Variants in PTPRG observed in about 807,000 individuals in gnomAD.
PTPRG encodes receptor-type tyrosine-protein phosphatase gamma.
A neutral mutation model predicts 165.3 loss-of-function variants in PTPRG; 102 were observed. That is an observed-to-expected ratio of 0.62 (90% CI 0.53 to 0.73). PTPRG has a LOEUF of 0.73. Among genes scored for constraint, PTPRG ranks in the 30% least tolerant of loss-of-function variants. The probability of loss-of-function intolerance (pLI) is 0.00; values close to 1 mark genes in which losing one functional copy is unlikely to be tolerated. For synonymous variants in PTPRG, 675 were observed against 669.5 expected, an observed-to-expected ratio of 1.01 and a Z score of -0.13; for missense variants, 1,866 against 1,861.4, an observed-to-expected ratio of 1.00 and a Z score of -0.05.
chr3:62,051,564 C>G (rs2189696), intron 4 of PTPRG, among the ~76,000 whole-genome samples: 18 of 152,082 alleles, frequency 1.2e-4, no homozygotes, highest in Admixed American at 2.6e-4. Context: ...ATTCCAGGGC[C>G]CCCCTTGAGA....
rs35072699 is a variant in PTPRG at position 62,012,499 on chromosome 3, A to G, written c.519+9002A>G. On this transcript the variant is annotated intron_variant, in intron 4 of 29. Transcript: ENST00000474889. Reference sequence around the variant, plus strand: ...TTTTTTTATTTGGGAACATTTACTTATATATAATGAGGTTTCTTGGGGATA... The same window carrying G: ...TTTTTTTATTTGGGAACATTTACTTGTATATAATGAGGTTTCTTGGGGATA... Among the ~76,000 whole-genome samples the G allele has an allele frequency of 5.6e-3, 853 of 152,224 alleles. 3 individuals carry two copies. The highest frequency in any genetic ancestry group is 9.5e-3 in the Non-Finnish European group (644 of 68,018).
chr3:61,857,271 A>T (rs2037135754), intron 2 of PTPRG, among the ~76,000 whole-genome samples: 1 of 152,078 alleles, frequency 6.6e-6, no homozygotes, highest in African/African-American at 2.4e-5. Flanking sequence ...GTTCATACAG[A>T]CCTCCAGTGG....
intron 1 of PTPRG, among the ~76,000 whole-genome samples, chr3:61,574,317 A>G (rs1232701157): frequency 6.6e-6 from 1 of 152,324 alleles, no homozygotes; most frequent in Non-Finnish European, 1.5e-5. Flanking sequence ...GACAAGTACT[A>G]GTTGGTCACC....
At chr3:61,883,851 A>G (rs1354468451) in intron 2 of PTPRG, among the ~76,000 whole-genome samples, 2 of 152,120 alleles carry the variant, frequency 1.3e-5, no homozygotes, top group African/African-American at 2.4e-5. Flanking sequence ...AGTTGAGACT[A>G]TAGGCATGTA....
intron 5 of PTPRG, among the ~76,000 whole-genome samples, chr3:62,084,077 T>C (rs2106773882): frequency 6.6e-6 from 1 of 152,346 alleles, no homozygotes; most frequent in Middle Eastern, 3.4e-3. Flanking sequence ...GCATCTACAT[T>C]AAGAAACGTT....
At chr3:62,001,304 T>G (rs944164628) in intron 3 of PTPRG, among the ~76,000 whole-genome samples, 1 of 152,224 alleles carries the variant, frequency 6.6e-6, no homozygotes, top group Non-Finnish European at 1.5e-5. Flanking sequence ...TAATTATGCT[T>G]TTAATTATTC....
intron 2 of PTPRG, among the ~76,000 whole-genome samples, chr3:61,774,999 C>T (rs1412789271): frequency 1.3e-5 from 2 of 152,162 alleles, no homozygotes; most frequent in Non-Finnish European, 2.9e-5. Flanking sequence ...CAACAGGTGA[C>T]CTCCTTCCCA....
At chr3:61,926,947 C>G (rs577760900) in intron 2 of PTPRG, among the ~76,000 whole-genome samples, 1 of 151,946 alleles carries the variant, frequency 6.6e-6, no homozygotes, top group Non-Finnish European at 1.5e-5. Flanking sequence ...ACATGTTGTC[C>G]TTTTCTACCT....
chr3:61,917,159 C>T (rs559698572), intron 2 of PTPRG, among the ~76,000 whole-genome samples: 84 of 152,162 alleles, frequency 5.5e-4, no homozygotes, highest in African/African-American at 1.9e-3. Context: ...TGAATCTGTA[C>T]GGTGGAGGCC....
intron 2 of PTPRG, among the ~76,000 whole-genome samples, chr3:61,923,692 A>AT (rs71123241): frequency 0.39 from 39,177 of 100,840 alleles, 8,624 homozygotes; most frequent in Middle Eastern, 0.45. Flanking sequence ...TATTTTTTGT[A>AT]TTTTTTTTTT....
chr3:61,621,217 A>T lies in PTPRG; in HGVS notation c.85+58845A>T, dbSNP rs181151950. Among the ~76,000 whole-genome samples the T allele has an allele frequency of 7.2e-4, 109 of 152,118 alleles. No individual in the cohort carries two copies. The East Asian group carries it at 0.01, about 14-fold the overall frequency. On this transcript the variant is annotated intron_variant, in intron 1 of 29. Transcript: ENST00000474889. Reference sequence around the variant, plus strand: ...TCCCACATCCCCTTTGAATTGTCTTATGCACCCCTGGATACTCAGTGCTGG... The same window carrying T: ...TCCCACATCCCCTTTGAATTGTCTTTTGCACCCCTGGATACTCAGTGCTGG...
At chr3:62,019,197 C>T (rs1037808096) in intron 4 of PTPRG, among the ~76,000 whole-genome samples, 6 of 152,090 alleles carry the variant, frequency 3.9e-5, no homozygotes, top group Non-Finnish European at 8.8e-5. Context: ...AGATGTTGAA[C>T]AGTAAGAGAT....
intron 1 of PTPRG, among the ~76,000 whole-genome samples, chr3:61,580,453 T>C (rs1460327618): frequency 1.3e-5 from 2 of 149,798 alleles, no homozygotes; most frequent in Admixed American, 6.8e-5. Flanking sequence ...TGATCTCAGC[T>C]CACTGCAACC....
intron 2 of PTPRG, among the ~76,000 whole-genome samples, chr3:61,782,081 T>A (rs905705865): frequency 6.6e-6 from 1 of 152,178 alleles, no homozygotes; most frequent in Admixed American, 6.5e-5. Flanking sequence ...ATGGGTATAA[T>A]CCCCAGATCT....
In PTPRG at chr3:62,214,360, A is replaced by C. The variant is rs1405463002; in HGVS notation, c.2156-4491A>C. ...TGGGGTGGTGGTGATGACAATAATCACAATAGTTAACATTAACCAGGTGCC... is the reference window on the plus strand; with the variant it reads ...TGGGGTGGTGGTGATGACAATAATCCCAATAGTTAACATTAACCAGGTGCC... On this transcript the variant is annotated intron_variant, in intron 12 of 29. Transcript: ENST00000474889. The surrounding 1 kb of genome is among the most constrained non-coding windows in gnomAD (Gnocchi z 5.2). 6.6e-6 allele frequency among the ~76,000 whole-genome samples: 1 copy of C among 152,222 alleles called. No homozygotes were observed. The highest frequency in any genetic ancestry group is 1.9e-4 in the East Asian group (1 of 5,196).
At chr3:61,878,462 C>G (rs1186939890) in intron 2 of PTPRG, among the ~76,000 whole-genome samples, 1 of 152,064 alleles carries the variant, frequency 6.6e-6, no homozygotes, top group African/African-American at 2.4e-5. Flanking sequence ...TTTGGCTTGA[C>G]TTGACATCTC....
At chr3:61,713,696 A>C (rs1252510765) in intron 1 of PTPRG, among the ~76,000 whole-genome samples, 1 of 152,186 alleles carries the variant, frequency 6.6e-6, no homozygotes, top group Non-Finnish European at 1.5e-5. Flanking sequence ...TGCTGGCCGC[A>C]GCATTCAGCA....
At chr3:61,782,508 T>C (rs2034574951) in intron 2 of PTPRG, among the ~76,000 whole-genome samples, 1 of 152,240 alleles carries the variant, frequency 6.6e-6, no homozygotes. Flanking sequence ...ATAATTTCAC[T>C]AATCTTTGAT....
chr3:61,936,458 C>T (rs1287220026), intron 2 of PTPRG, among the ~76,000 whole-genome samples: 1 of 152,128 alleles, frequency 6.6e-6, no homozygotes, highest in Non-Finnish European at 1.5e-5. Flanking sequence ...CAGGTGGGAC[C>T]ATGGGCATCA....
Sources: gnomAD v4.1 joint callset for allele counts (sites outside exome capture counted in the v4.1 genomes callset) on GRCh38, gnomAD v4.1.1 for gene constraint, Gnocchi (gnomAD v3.1) non-coding constraint, MANE v1.5 for transcripts, NCBI Gene and HGNC (gene_info 2026-07-23, HGNC 2026-07-21) for gene names.